Variants in DZANK1 observed in about 807,000 individuals in gnomAD.
DZANK1 encodes double zinc ribbon and ankyrin repeat-containing protein 1.
In DZANK1, 91 loss-of-function variants were observed where a neutral mutation model predicts 94.5. The ratio of observed to expected loss-of-function variants is 0.96; its 90% confidence interval spans 0.81 to 1.15. DZANK1 has a LOEUF of 1.15. Among genes scored for constraint, DZANK1 ranks in the 50% most tolerant of loss-of-function variants. DZANK1 has a pLI of 0.00. For missense variants in DZANK1, 903 were observed against 916.4 expected (o/e 0.99, Z 0.19); for synonymous variants, 312 against 325.3 (o/e 0.96, Z 0.44).
In DZANK1 at chr20:18,463,381, C is replaced by T. The variant is rs6035047; in HGVS notation, c.109+1869G>A. ...CCAGAGGGTGGGGAGGGCTGAAAAC[C>T]TACAGCAATGCTTGCTACCTGGGTT... On this transcript the variant is annotated intron_variant, in intron 2 of 20. Coordinates refer to ENST00000262547, the Ensembl canonical transcript of DZANK1. Among the ~76,000 whole-genome samples, 9 of 152,086 alleles carry T rather than the reference C, an allele frequency of 5.9e-5. No homozygotes were observed. The South Asian group carries it at 6.2e-4, about 11-fold the overall frequency.
At chr20:18,438,218 C>CAAAAAA (rs761846698) in intron 8 of DZANK1, among the ~76,000 whole-genome samples, 4 of 57,738 alleles carry the variant, frequency 6.9e-5, no homozygotes, top group South Asian at 8.6e-4. Flanking sequence ...GACTCTGTCT[C>CAAAAAA]AAAAAAAAAA....
intron 13 of DZANK1, 96 bp from the exon 14 acceptor site, chr20:18,398,722 T>C (rs774638738): frequency 1.6e-6 from 2 of 1,232,626 alleles, no homozygotes; most frequent in Admixed American, 1.9e-5. Flanking sequence ...AGAGGTTAAT[T>C]TCCTTTGTCA....
At chr20:18,403,809 T>G (rs1463723870) in intron 13 of DZANK1, among the ~76,000 whole-genome samples, 1 of 148,346 alleles carries the variant, frequency 6.7e-6, no homozygotes, top group Non-Finnish European at 1.5e-5. Context: ...TTTTTTTTTT[T>G]TTTTTTTTGA....
rs774392443 is a variant in DZANK1 at position 18,452,748 on chromosome 20, A to C, written c.476-66T>G. ...TTCACCTACCTGGACGTCTACAATG[A>C]TATTAAAAACATTATTCTTTGAGCA... On this transcript the variant is annotated intron_variant, in intron 5 of 20. Transcript: ENST00000262547. 1.3e-6 allele frequency: 2 copies of C among 1,551,922 alleles called. No individual in the cohort carries two copies. Among genetic ancestry groups the C allele is most frequent in the Non-Finnish European group, 1.7e-6 (2 of 1,149,140 alleles).
intron 17 of DZANK1, 21 bp downstream of exon 17, chr20:18,393,690 G>A (rs764554750): frequency 1.3e-6 from 2 of 1,502,736 alleles, no homozygotes; most frequent in East Asian, 2.3e-5. Flanking sequence ...ACATCCACAA[G>A]GACCAAAAAA....
intron 1 of DZANK1, among the ~76,000 whole-genome samples, chr20:18,466,688 G>A (rs1160020389): frequency 6.6e-6 from 1 of 152,246 alleles, no homozygotes; most frequent in Non-Finnish European, 1.5e-5. Context: ...GGTGGCCAGT[G>A]GGCCCCACGC....
intron 2 of DZANK1, 76 bp downstream of exon 2, chr20:18,465,174 G>A: frequency 1.0e-6 from 1 of 1,002,682 alleles, no homozygotes; most frequent in Non-Finnish European, 1.5e-6. Context: ...CAGGCAAAGA[G>A]ATAAACCAGC....
intron 13 of DZANK1, among the ~76,000 whole-genome samples, chr20:18,409,469 T>C (rs958138186): frequency 2.4e-4 from 37 of 151,536 alleles, no homozygotes; most frequent in African/African-American, 8.7e-4. Flanking sequence ...AACAGAGAAT[T>C]CATTGCTAGC....
At chr20:18,456,935 T>C (rs1448248763) in intron 3 of DZANK1, among the ~76,000 whole-genome samples, 1 of 152,200 alleles carries the variant, frequency 6.6e-6, no homozygotes, top group African/African-American at 2.4e-5. Context: ...AGGAGTGGAA[T>C]TGTTGGGTCA....
intron 8 of DZANK1, among the ~76,000 whole-genome samples, chr20:18,436,033 C>G (rs1320049720): frequency 6.6e-6 from 1 of 151,740 alleles, no homozygotes. Context: ...AATAAAGTGA[C>G]CTACACTCAG....
rs1384690368 is a variant in DZANK1, at chr20:18,415,210, T to C, written c.1077+117A>G. On this transcript the variant is annotated intron_variant, in intron 11 of 20. Transcript: ENST00000262547. ...TATCTCCAGATTCTTAGGTTATAGG[T>C]ACCAGTAGCGAAATCACAAGAAGTG... 5.6e-6 allele frequency: 6 copies of C among 1,068,602 alleles called. No homozygotes were observed. The African/African-American group carries it at 8.1e-5, about 14-fold the overall frequency. The allele number at this position is 1,068,602 out of a possible 1,614,324, so 66.2% of individuals were successfully genotyped here. A position where few individuals can be genotyped will look rare whatever the true frequency, so the allele number is the denominator to read the frequency against.
chr20:18,450,337 G>A (rs2059056128), intron 6 of DZANK1, among the ~76,000 whole-genome samples: 1 of 152,018 alleles, frequency 6.6e-6, no homozygotes, highest in African/African-American at 2.4e-5. Context: ...GATTGCTTGA[G>A]GCCAGGAGTT....
At chr20:18,455,104 C>T (rs1001259603) in intron 4 of DZANK1, 143 bp downstream of exon 4, 9 of 615,516 alleles carry the variant, frequency 1.5e-5, no homozygotes, top group Non-Finnish European at 2.5e-5. Context: ...AGTAAAGATG[C>T]TTTGCAATGG....
intron 10 of DZANK1, among the ~76,000 whole-genome samples, chr20:18,421,733 G>A (rs1197560538): frequency 6.6e-6 from 1 of 152,078 alleles, no homozygotes; most frequent in Non-Finnish European, 1.5e-5. Context: ...ATGTCCCATA[G>A]GCTTTTGAAA....
chr20:18,404,649 T>C (rs1282830595), intron 13 of DZANK1, among the ~76,000 whole-genome samples: 1 of 152,022 alleles, frequency 6.6e-6, no homozygotes, highest in Admixed American at 6.6e-5. Context: ...GGAAAAAACA[T>C]GCAACAGAAA....
chr20:18,454,121 A>G (rs1479663245), intron 4 of DZANK1: 1 of 457,562 alleles, frequency 2.2e-6, no homozygotes, highest in Non-Finnish European at 4.2e-6. Context: ...TCTGGGTAAC[A>G]ACAGAGGGAC....
At chr20:18,395,981 T>C (rs1224128629) in intron 15 of DZANK1, among the ~76,000 whole-genome samples, 1 of 152,230 alleles carries the variant, frequency 6.6e-6, no homozygotes. Flanking sequence ...CCTTGGCTTC[T>C]CAATTGATTG....
intron 10 of DZANK1, among the ~76,000 whole-genome samples, chr20:18,417,034 C>CAAA (rs55889297): frequency 0.065 from 9,079 of 139,830 alleles, 305 homozygotes; most frequent in African/African-American, 0.072. Context: ...CAAAAAAAAA[C>CAAA]AAAAAAAAAA....
chr20:18,442,368 A>AC (rs2058740482), intron 8 of DZANK1, among the ~76,000 whole-genome samples: 1 of 152,202 alleles, frequency 6.6e-6, no homozygotes, highest in South Asian at 2.1e-4. Flanking sequence ...TTTCACTAAC[A>AC]CATTTAGTCC....
Sources: gnomAD v4.1 joint callset for allele counts (sites outside exome capture counted in the v4.1 genomes callset) on GRCh38, gnomAD v4.1.1 for gene constraint, MANE v1.5 for transcripts, NCBI Gene and HGNC (gene_info 2026-07-23, HGNC 2026-07-21) for gene names.